Variants in SLC9A2 observed in about 807,000 individuals in gnomAD.
The protein encoded by SLC9A2 is solute carrier family 9 member A2.
SLC9A2 carries 42 observed loss-of-function variants against 71.7 expected under a neutral mutation model. That is an observed-to-expected ratio of 0.59 (90% confidence interval 0.46 to 0.76). The LOEUF is 0.76. Ranked by LOEUF, SLC9A2 falls within the 30% of genes least tolerant of loss-of-function variation. SLC9A2 has a pLI of 0.00. For synonymous variants in SLC9A2, 396 were observed against 392.5 expected (o/e 1.01, Z -0.10); for missense variants, 829 against 1,017.4 (o/e 0.81, Z 2.52).
Position 102,708,707 on chromosome 2 carries a change from T to G in SLC9A2, c.*218T>G. 2.0e-6 allele frequency: 1 copy of G among 509,990 alleles called. No individual in the cohort carries two copies. The allele number at this position is 509,990 out of a possible 1,614,324, so 31.6% of individuals were successfully genotyped here. On this transcript the variant is annotated 3_prime_UTR_variant, in exon 12 of 12. Coordinates refer to ENST00000233969, the MANE Select transcript of SLC9A2 (RefSeq NM_003048.6). ...CAAAATACCTTTTGTGACTAATGGG[T>G]AGCAATCGTATTATTTGCTGGCCTG...
intron 1 of SLC9A2, among the ~76,000 whole-genome samples, chr2:102,653,749 G>A (rs1558708442): frequency 6.6e-6 from 1 of 152,224 alleles, no homozygotes. Context: ...AGGTGAAAGA[G>A]GAAATGGGAG....
intron 5 of SLC9A2, among the ~76,000 whole-genome samples, chr2:102,689,282 C>A (rs1167925096): frequency 1.3e-5 from 2 of 152,164 alleles, no homozygotes; most frequent in Non-Finnish European, 2.9e-5. Flanking sequence ...ATTGCTCTCT[C>A]AGAAGGGTGA....
In SLC9A2 at chr2:102,704,682, G is replaced by T; in HGVS notation, c.1977+7G>T. On this transcript the variant is annotated splice_region_variant and intron_variant, in intron 10 of 11. Transcript: ENST00000233969. Reference sequence around the variant, plus strand: ...CTTGAATCGAGAACACAGGGTAACTGAGTGTGCGCCTCTAGGAGACTTCCA... The same window carrying T: ...CTTGAATCGAGAACACAGGGTAACTTAGTGTGCGCCTCTAGGAGACTTCCA... 2 of 1,609,018 alleles carry T rather than the reference G, an allele frequency of 1.2e-6. No homozygotes were observed. The highest frequency in any genetic ancestry group is 2.2e-5 in the South Asian group (2 of 90,964).
intron 3 of SLC9A2, among the ~76,000 whole-genome samples, chr2:102,669,778 T>TA (rs1209619527): frequency 6.6e-6 from 1 of 152,204 alleles, no homozygotes; most frequent in Non-Finnish European, 1.5e-5. Context: ...AATTGATCAC[T>TA]AAAATTCAGG....
intron 1 of SLC9A2, among the ~76,000 whole-genome samples, chr2:102,632,138 G>GTATGTATACATATATACACA (rs1676382829): frequency 2.1e-5 from 2 of 97,448 alleles, no homozygotes; most frequent in Non-Finnish European, 1.9e-5. Flanking sequence ...ACATATATAT[G>GTATGTATACATATATACACA]TATATATACA....
Position 102,679,595 on chromosome 2 carries a change from G to T in SLC9A2, c.1005-3666G>T, listed in dbSNP as rs1319560860. On this transcript the variant is annotated intron_variant, in intron 3 of 11. Coordinates refer to ENST00000233969, the MANE Select transcript of SLC9A2 (RefSeq NM_003048.6). ...GGGTTTCACCATGTTAGCCAGGATGGTCTTGATCTCCCCACCTCGTGATCC... is the reference window on the plus strand; with the variant it reads ...GGGTTTCACCATGTTAGCCAGGATGTTCTTGATCTCCCCACCTCGTGATCC... 3.9e-5 allele frequency among the ~76,000 whole-genome samples: 6 copies of T among 152,014 alleles called. No individual in the cohort carries two copies. The East Asian group carries it at 1.2e-3, about 29-fold the overall frequency.
At chr2:102,690,792 A>G (rs1677643671) in intron 5 of SLC9A2, among the ~76,000 whole-genome samples, 1 of 152,206 alleles carries the variant, frequency 6.6e-6, no homozygotes, top group African/African-American at 2.4e-5. Flanking sequence ...AAGACCTTCC[A>G]TAAGACAGCA....
At chr2:102,643,975 G>A (rs542480780) in intron 1 of SLC9A2, among the ~76,000 whole-genome samples, 4 of 151,838 alleles carry the variant, frequency 2.6e-5, no homozygotes, top group African/African-American at 9.7e-5. Context: ...TAACTTAACG[G>A]CCATTACTTT....
chr2:102,698,843 C>T (rs1014286091), intron 7 of SLC9A2, among the ~76,000 whole-genome samples: 4 of 152,184 alleles, frequency 2.6e-5, no homozygotes, highest in African/African-American at 4.8e-5. Flanking sequence ...TGGCAAGGAA[C>T]AGGGCAAAGC....
At chr2:102,704,740 C>T in intron 10 of SLC9A2, 65 bp downstream of exon 10, 1 of 1,537,410 alleles carries the variant, frequency 6.5e-7, no homozygotes, top group East Asian at 2.4e-5. Flanking sequence ...CATTGATCAG[C>T]TGATGGTATC....
chr2:102,695,791 AT>A (rs1677749609), intron 7 of SLC9A2, among the ~76,000 whole-genome samples: 2 of 33,488 alleles, frequency 6.0e-5, no homozygotes, highest in African/African-American at 2.3e-4. Context: ...TATATATATT[AT>A]ATATATATTA....
intron 7 of SLC9A2, among the ~76,000 whole-genome samples, chr2:102,700,297 G>C (rs1451779350): frequency 2.6e-5 from 4 of 152,188 alleles, no homozygotes; most frequent in Non-Finnish European, 5.9e-5. Context: ...GGGGGTCATT[G>C]GCATAGAGAT....
chr2:102,688,556 T>C (rs996612851), intron 5 of SLC9A2, among the ~76,000 whole-genome samples: 6 of 152,106 alleles, frequency 3.9e-5, no homozygotes, highest in Non-Finnish European at 7.4e-5. Flanking sequence ...GGTGAAACCC[T>C]GTCTCTACTA....
chr2:102,706,906 C>T (rs1677990099), intron 11 of SLC9A2, among the ~76,000 whole-genome samples: 1 of 152,124 alleles, frequency 6.6e-6, no homozygotes, highest in Non-Finnish European at 1.5e-5. Flanking sequence ...TATGTAGACA[C>T]CGAAGCCATT....
intron 1 of SLC9A2, among the ~76,000 whole-genome samples, chr2:102,646,834 G>T (rs1236598430): frequency 2.0e-5 from 3 of 148,262 alleles, no homozygotes; most frequent in African/African-American, 7.6e-5. Flanking sequence ...AGTTCTTAGA[G>T]ACCTACAAAG....
chr2:102,673,697 G>T (rs537711514), intron 3 of SLC9A2, among the ~76,000 whole-genome samples: 1 of 151,908 alleles, frequency 6.6e-6, no homozygotes, highest in African/African-American at 2.4e-5. Context: ...CAAGAATATT[G>T]TAGGAAATAA....
chr2:102,640,633 C>T (rs1341600413), intron 1 of SLC9A2, among the ~76,000 whole-genome samples: 2 of 152,192 alleles, frequency 1.3e-5, no homozygotes, highest in African/African-American at 2.4e-5. Flanking sequence ...TCTCAGCATG[C>T]AGCACCCTCC....
At chr2:102,662,684 A>T (rs1467118238) in intron 2 of SLC9A2, among the ~76,000 whole-genome samples, 1 of 152,098 alleles carries the variant, frequency 6.6e-6, no homozygotes, top group Non-Finnish European at 1.5e-5. Flanking sequence ...GGAAAGCAGG[A>T]GCAGGAGTGA....
chr2:102,674,810 A>G (rs140879538), intron 3 of SLC9A2, among the ~76,000 whole-genome samples: 4 of 152,308 alleles, frequency 2.6e-5, no homozygotes, highest in African/African-American at 9.6e-5. Context: ...ATGTCTGCCT[A>G]AGCATTTCTC....
Sources: gnomAD v4.1 joint callset for allele counts (sites outside exome capture counted in the v4.1 genomes callset) on GRCh38, gnomAD v4.1.1 for gene constraint, MANE v1.5 for transcripts, NCBI Gene and HGNC (gene_info 2026-07-23, HGNC 2026-07-21) for gene names.